Variants in CTIF observed in about 807,000 individuals in gnomAD.
CTIF encodes cap binding complex dependent translation initiation factor, also known as CBP80/20-dependent translation initiation factor.
CTIF carries 21 observed loss-of-function variants against 66.0 expected under a neutral mutation model. The ratio of observed to expected loss-of-function variants is 0.32; its 90% CI spans 0.23 to 0.46. CTIF has a LOEUF of 0.46. CTIF is among the 20% of genes least tolerant of loss of function. CTIF has a pLI of 1.00. For missense variants in CTIF, 739 were observed against 812.7 expected, an observed-to-expected ratio of 0.91 and a Z score of 1.10; for synonymous variants, 345 against 326.4, an observed-to-expected ratio of 1.06 and a Z score of -0.62.
At chr18:48,645,825 T>C (rs1317843532) in intron 3 of CTIF, among the ~76,000 whole-genome samples, 1 of 152,168 alleles carries the variant, frequency 6.6e-6, no homozygotes, top group Non-Finnish European at 1.5e-5. Context: ...CAAGCACCCC[T>C]GCGGCGTCGG....
intron 9 of CTIF, among the ~76,000 whole-genome samples, chr18:48,779,001 T>G (rs1373415131): frequency 6.6e-6 from 1 of 152,222 alleles, no homozygotes; most frequent in Non-Finnish European, 1.5e-5. Flanking sequence ...TAATACTTCG[T>G]AGCTGTGTGG....
chr18:48,659,087 T>G (rs1374188622), intron 3 of CTIF, among the ~76,000 whole-genome samples: 1 of 152,186 alleles, frequency 6.6e-6, no homozygotes, highest in Non-Finnish European at 1.5e-5. Context: ...GCTAGGCTAT[T>G]TCTCCAGCCC....
chr18:48,605,779 C>T lies in CTIF; in HGVS notation c.-28-13759C>T, dbSNP rs76787754. 5.6e-3 allele frequency among the ~76,000 whole-genome samples: 858 copies of T among 151,910 alleles called. 6 individuals are homozygous for T. Among genetic ancestry groups the T allele is most frequent in the Middle Eastern group, 0.041 (12 of 294 alleles). ...GGCCTCTCGGAGGGAGCCCACAGTC[C>T]TCCCTTCCGGCTTCTGTTGATTGCC... On this transcript the variant is annotated intron_variant, in intron 1 of 11. Coordinates refer to ENST00000256413, the MANE Select transcript of CTIF (RefSeq NM_014772.3).
intron 1 of CTIF, chr18:48,568,014 T>C (rs1268634984): frequency 6.6e-6 from 1 of 152,186 alleles, no homozygotes; most frequent in Non-Finnish European, 1.5e-5. Flanking sequence ...AAATCACTCA[T>C]GCTTTCTGAG....
intron 10 of CTIF, among the ~76,000 whole-genome samples, chr18:48,832,695 C>T (rs1039563589): frequency 6.6e-6 from 1 of 152,216 alleles, no homozygotes; most frequent in Non-Finnish European, 1.5e-5. Context: ...AAGACCTTCT[C>T]CCTTACTCAG....
At chr18:48,738,162 C>T (rs1031720113) in intron 7 of CTIF, among the ~76,000 whole-genome samples, 17 of 152,326 alleles carry the variant, frequency 1.1e-4, no homozygotes, top group Non-Finnish European at 2.4e-4. Context: ...CTTCTCTCCA[C>T]CCGCAGTGGA....
intron 1 of CTIF, among the ~76,000 whole-genome samples, chr18:48,540,760 G>A (rs374049540): frequency 3.9e-4 from 60 of 152,118 alleles, no homozygotes; most frequent in African/African-American, 1.4e-3. Flanking sequence ...AGACCGCGGC[G>A]TAGTGGGGAC....
chr18:48,759,446 C>G (rs1056620947), intron 8 of CTIF, among the ~76,000 whole-genome samples: 5 of 152,226 alleles, frequency 3.3e-5, no homozygotes, highest in African/African-American at 1.2e-4. Flanking sequence ...TGGATCCACT[C>G]TTGAAGATGA....
chr18:48,539,607 G>A (rs2088556013), intron 1 of CTIF: 1 of 151,924 alleles, frequency 6.6e-6, no homozygotes, highest in Non-Finnish European at 1.5e-5. Context: ...TCGTGGCCCT[G>A]GAGCTCCGGC....
chr18:48,741,148 ATTG>A (rs1387377471), intron 7 of CTIF, among the ~76,000 whole-genome samples: 3 of 152,118 alleles, frequency 2.0e-5, no homozygotes, highest in African/African-American at 4.8e-5. Flanking sequence ...TGTTGTTATT[ATTG>A]TTAGAGAAGA....
chr18:48,598,639 T>TGAAACGGC (rs1340059372), intron 1 of CTIF, among the ~76,000 whole-genome samples: 2 of 152,162 alleles, frequency 1.3e-5, no homozygotes, highest in African/African-American at 4.8e-5. Context: ...CATGAAACGG[T>TGAAACGGC]GAAACGGCAT....
chr18:48,651,191 C>T (rs955722180), intron 3 of CTIF, among the ~76,000 whole-genome samples: 4 of 152,170 alleles, frequency 2.6e-5, no homozygotes, highest in South Asian at 2.1e-4. Flanking sequence ...TTAAAAGACA[C>T]AGACTGGCAA....
chr18:48,800,593 G>C (rs973752742), intron 9 of CTIF, among the ~76,000 whole-genome samples: 3 of 152,222 alleles, frequency 2.0e-5, no homozygotes, highest in Admixed American at 2.0e-4. Context: ...CACCTGGCAT[G>C]GATAACCCCC....
intron 9 of CTIF, among the ~76,000 whole-genome samples, chr18:48,810,767 C>T (rs781355834): frequency 2.0e-5 from 3 of 150,904 alleles, no homozygotes; most frequent in Non-Finnish European, 4.4e-5. Flanking sequence ...CAAATCTATA[C>T]TATAAAGTCT....
At chr18:48,700,092 G>T (rs780029852) in intron 6 of CTIF, among the ~76,000 whole-genome samples, 2 of 152,208 alleles carry the variant, frequency 1.3e-5, no homozygotes, top group African/African-American at 4.8e-5. Context: ...TAATTGCCAC[G>T]TGTCAAGGGC....
intron 1 of CTIF, among the ~76,000 whole-genome samples, chr18:48,613,789 A>C (rs555755754): frequency 2.0e-5 from 3 of 152,194 alleles, no homozygotes; most frequent in Non-Finnish European, 4.4e-5. Context: ...AGCACAGGCG[A>C]AGGAGCTCTG....
At chr18:48,793,195 G>A (rs1268911246) in intron 9 of CTIF, among the ~76,000 whole-genome samples, 3 of 152,208 alleles carry the variant, frequency 2.0e-5, no homozygotes, top group Admixed American at 1.3e-4. Flanking sequence ...TAGCACAAGG[G>A]AGGGCTCAGG....
At chr18:48,601,509 T>C (rs1307735632) in intron 1 of CTIF, among the ~76,000 whole-genome samples, 1 of 152,192 alleles carries the variant, frequency 6.6e-6, no homozygotes, top group Non-Finnish European at 1.5e-5. Flanking sequence ...TGAGAAAACA[T>C]CTGGCCAGCC....
At position 48,798,580 on chromosome 18, in the gene CTIF, T is replaced by G. The variant is rs111819106; in HGVS notation, c.1372-18641T>G. Among the ~76,000 whole-genome samples the G allele has an allele frequency of 4.6e-5, 7 of 152,312 alleles. 2 individuals are homozygous for G. The highest frequency in any genetic ancestry group is 1.7e-4 in the African/African-American group (7 of 41,574). ...AGTAACTGTGTGGCATACCGGTGTG[T>G]GTCCTGTGCAGCCTGCAGCTTTCTA... On this transcript the variant is annotated intron_variant, in intron 9 of 11. Coordinates refer to ENST00000256413, the MANE Select transcript of CTIF (RefSeq NM_014772.3).
Sources: gnomAD v4.1 joint callset for allele counts (sites outside exome capture counted in the v4.1 genomes callset) on GRCh38, gnomAD v4.1.1 for gene constraint, MANE v1.5 for transcripts, NCBI Gene and HGNC (gene_info 2026-07-23, HGNC 2026-07-21) for gene names.